SSX5: variants seen among roughly 807,000 people sequenced by gnomAD.
SSX5 encodes the protein SSX family member 5.
Under a neutral mutation model 14.9 loss-of-function variants are expected in SSX5, and 14 were observed. That is an observed-to-expected ratio of 0.94 (90% confidence interval 0.62 to 1.47). The LOEUF is 1.47. Ranked by LOEUF, SSX5 falls within the 40% of genes most tolerant of loss-of-function variation. SSX5 has a pLI of 0.00. For missense variants in SSX5, 204 were observed against 154.6 expected, an observed-to-expected ratio of 1.32 and a Z score of -1.70; for synonymous variants, 70 against 55.4, an observed-to-expected ratio of 1.26 and a Z score of -1.17.
At chrX:48,191,230 C>A (rs1400158486) in intron 5 of SSX5, among the ~76,000 whole-genome samples, 2 of 111,499 alleles carry the variant, frequency 1.8e-5, no homozygotes, top group African/African-American at 6.5e-5. Flanking sequence ...TCAGCTTCCT[C>A]ACTTATGAAA....
At chrX:48,190,321 C>T in intron 5 of SSX5, 53 bp from the exon 6 acceptor site, 1 of 1,119,425 alleles carries the variant, frequency 8.9e-7, no homozygotes, top group South Asian at 2.3e-5. Flanking sequence ...TTCTTTAGTG[C>T]TTTAGAGCTT....
intron 1 of SSX5, among the ~76,000 whole-genome samples, chrX:48,196,378 T>C (rs1261352481): frequency 2.1e-5 from 2 of 94,470 alleles, no homozygotes; most frequent in African/African-American, 7.8e-5. Context: ...TTTGAGTGAG[T>C]TTTTTTTTTT....
rs1556923753 is a variant in SSX5 at position 48,186,406 on chromosome X, G to GCA, written c.*454_*455insTG. Reference sequence around the variant, plus strand: ...TGTGTGTGTGTGTGTGTGTGTGTGCGCGCGCGCGCGCATGTGTGTCTGTGT... The same window carrying GCA: ...TGTGTGTGTGTGTGTGTGTGTGTGCGCACGCGCGCGCGCATGTGTGTCTGTGT... On this transcript the variant is annotated 3_prime_UTR_variant, in exon 8 of 8. Transcript: ENST00000347757. 3.2e-4 allele frequency: 80 copies of GCA among 252,278 alleles called. No homozygotes were observed. The Admixed American group carries it at 4.1e-3, about 13-fold the overall frequency. 20.8% of individuals were successfully genotyped at this position (252,278 alleles called of 1,213,427 possible). A position where few individuals can be genotyped will look rare whatever the true frequency, so the allele number is the denominator to read the frequency against.
intron 4 of SSX5, among the ~76,000 whole-genome samples, chrX:48,193,705 C>T (rs2059428681): frequency 9.1e-6 from 1 of 110,209 alleles, no homozygotes; most frequent in South Asian, 3.9e-4. Context: ...GCTGAGATTG[C>T]CTTACTGCAC....
intron 4 of SSX5, among the ~76,000 whole-genome samples, chrX:48,192,961 C>T (rs1324079069): frequency 3.6e-5 from 4 of 111,913 alleles, no homozygotes; most frequent in Non-Finnish European, 7.5e-5. Flanking sequence ...AGATCTCTAC[C>T]GAAGAACCTG....
chrX:48,192,208 C>T lies in SSX5; in HGVS notation c.330+24G>A, dbSNP rs1556924881. ...CGTGAAGGGACAAAGGTTCTCTGGT[C>T]CTTTAGATTTGAGAGACACTCACCT... On this transcript the variant is annotated intron_variant, in intron 5 of 7. Coordinates refer to ENST00000347757, the MANE Select transcript of SSX5 (RefSeq NM_175723.2). 7 of 1,210,837 alleles carry T rather than the reference C, an allele frequency of 5.8e-6. No homozygotes were observed. The South Asian group carries it at 1.2e-4, about 21-fold the overall frequency.
intron 6 of SSX5, among the ~76,000 whole-genome samples, chrX:48,188,839 G>A (rs1225651311): frequency 8.9e-6 from 1 of 112,349 alleles, no homozygotes; most frequent in Non-Finnish European, 1.9e-5. Flanking sequence ...TAATGCAAAG[G>A]AAAAGTTCTT....
At position 48,194,741 on chromosome X, in the gene SSX5, T is replaced by A; in HGVS notation, c.183A>T (p.Leu61=). 3 of 1,204,181 alleles carry A rather than the reference T, an allele frequency of 2.5e-6. No individual in the cohort carries two copies. Among genetic ancestry groups the A allele is most frequent in the Non-Finnish European group, 3.4e-6 (3 of 890,486 alleles). ...MKRKYEAMTK[L]GFKATLPPFM... is the part of the protein sequence containing the mutation. ...TCTGTACCTAGAACTTTCTGTTACC[T>A]AGTTTAGTCATGGCCTCATACTTTC... Residue 61 remains leucine (L), a splice_region_variant and synonymous_variant, in exon 3 of 8, where the codon CTA becomes CTT. Transcript: ENST00000347757.
intron 7 of SSX5, 85 bp downstream of exon 7, chrX:48,187,542 G>A: frequency 1.9e-6 from 2 of 1,055,755 alleles, no homozygotes; most frequent in Admixed American, 2.2e-5. Flanking sequence ...ATGATTTGGG[G>A]AACAACTGAT....
At chrX:48,191,968 T>C (rs782118483) in intron 5 of SSX5, among the ~76,000 whole-genome samples, 3 of 112,310 alleles carry the variant, frequency 2.7e-5, no homozygotes, top group South Asian at 7.5e-4. Context: ...TTGGAGATAA[T>C]AGAAACAATG....
intron 6 of SSX5, among the ~76,000 whole-genome samples, chrX:48,189,078 TGA>T (rs782193347): frequency 5.4e-5 from 6 of 111,716 alleles, no homozygotes; most frequent in Non-Finnish European, 1.1e-4. Flanking sequence ...GGTTGGTTCA[TGA>T]GGTTTAAGGA....
intron 1 of SSX5, 107 bp from the exon 2 acceptor site, chrX:48,195,485 C>G: frequency 1.2e-6 from 1 of 809,705 alleles, no homozygotes; most frequent in Non-Finnish European, 1.8e-6. Context: ...TCAGGAGTTG[C>G]ATTTCTCCAT....
intron 6 of SSX5, among the ~76,000 whole-genome samples, chrX:48,188,422 C>T (rs143016052): frequency 1.9e-3 from 209 of 112,091 alleles, no homozygotes; most frequent in African/African-American, 6.4e-3. Context: ...TTTCATACTG[C>T]ACAATTAAGT....
chrX:48,194,831 G>C lies in SSX5; in HGVS notation c.93C>G (p.Tyr31Ter), dbSNP rs1556925486. The change falls in exon 3 of 8, where the codon TAC becomes TAG. Residue 31 changes from tyrosine (Y) to a stop codon, truncating the protein, a stop_gained. Transcript: ENST00000347757. LOFTEE classifies it high-confidence loss of function. ...MQKAFDDIAK[Y>*]FSEKEWEKMK... is the part of the protein sequence containing the mutation. ...TCTTTTCCCACTCTTTCTCAGAGAAGTATTTGGCAATATCATCGAAGGCCT... is the reference window on the plus strand; with the variant it reads ...TCTTTTCCCACTCTTTCTCAGAGAACTATTTGGCAATATCATCGAAGGCCT... 1.6e-5 allele frequency: 19 copies of C among 1,208,232 alleles called. No individual in the cohort carries two copies. Among genetic ancestry groups the C allele is most frequent in the Non-Finnish European group, 1.9e-5 (17 of 894,071 alleles).
chrX:48,188,074 C>A (rs2059405903), intron 6 of SSX5, among the ~76,000 whole-genome samples: 3 of 111,730 alleles, frequency 2.7e-5, no homozygotes, highest in Non-Finnish European at 5.6e-5. Context: ...TGTTTTATTG[C>A]ACCTCATTTT....
At chrX:48,192,102 A>C (rs1388308979) in intron 5 of SSX5, 130 bp downstream of exon 5, 7 of 1,060,649 alleles carry the variant, frequency 6.6e-6, no homozygotes, top group Non-Finnish European at 9.2e-6. Context: ...TCGGTGCTAC[A>C]TCAGGTGTTG....
At position 48,194,119 on chromosome X, in the gene SSX5, A is replaced by G. The variant is rs782261433; in HGVS notation, c.280+10T>C. On this transcript the variant is annotated intron_variant, in intron 4 of 7. Transcript: ENST00000347757. ...AGGAGACCCTTTCCAGCCCCTTCCC[A>G]TCTACTCACCCTGATTCCCACGGTT... 5 of 1,208,732 alleles carry G rather than the reference A, an allele frequency of 4.1e-6. No homozygotes were observed. The East Asian group carries it at 8.9e-5, about 21-fold the overall frequency.
chrX:48,190,105 T>A lies in SSX5; in HGVS notation c.466+28A>T. On this transcript the variant is annotated intron_variant, in intron 6 of 7. Transcript: ENST00000347757. ...CTGAACTTAGCGAGAAAAGCCAGAG[T>A]GGTTGTTCCCAAATTCTTTTCTCTT... The A allele has an allele frequency of 2.5e-6, 3 of 1,206,451 alleles. No individual in the cohort carries two copies. The African/African-American group carries it at 5.2e-5, about 21-fold the overall frequency.
At chrX:48,187,088 T>C (rs192984405) in intron 7 of SSX5, among the ~76,000 whole-genome samples, 2 of 111,560 alleles carry the variant, frequency 1.8e-5, no homozygotes, top group African/African-American at 6.5e-5. Context: ...CGCATATCAG[T>C]GCTGACCTGG....
Sources: gnomAD v4.1 joint callset for allele counts (sites outside exome capture counted in the v4.1 genomes callset) on GRCh38, gnomAD v4.1.1 for gene constraint, MANE v1.5 for transcripts, NCBI Gene and HGNC (gene_info 2026-07-23, HGNC 2026-07-21) for gene names.